The following SYN2 variants were observed in gnomAD, a reference collection of about 807,000 sequenced individuals.
SYN2 encodes synapsin-2.
Under a neutral mutation model 50.9 loss-of-function variants are expected in SYN2, and 19 were observed. The ratio of observed to expected loss-of-function variants is 0.37; its 90% CI spans 0.26 to 0.55. The LOEUF (loss-of-function observed/expected upper bound fraction) is 0.55, where lower values mean the gene tolerates loss of function less well. Ranked by LOEUF, SYN2 falls within the 20% of genes least tolerant of loss-of-function variation. The pLI, the probability that SYN2 is intolerant of heterozygous loss-of-function variation, is 0.81. For missense variants in SYN2, 587 were observed against 576.4 expected (o/e 1.02, Z -0.19); for synonymous variants, 255 against 224.9 (o/e 1.13, Z -1.20).
Position 12,190,534 on chromosome 3 carries a change from C to T in SYN2, c.1658C>T (p.Ser553Phe), listed in dbSNP as rs1385609638. Residue 553 changes from serine (S) to phenylalanine (F), a missense_variant, in exon 13 of 13, where the codon TCC (serine) becomes TTC (phenylalanine). Physicochemically the swap from Ser to Phe is radical, Grantham distance 155. Transcript: ENST00000621198. ...AATGCCTTCAGCTTCTCTGAGTCCT[C>T]CTTCTTCCGGTCTTCAGCCAATGAG... The part of the protein sequence containing the change: ...LTNAFSFSES[S>F]FFRSSANEDE... 1.9e-6 allele frequency: 3 copies of T among 1,613,752 alleles called. No individual in the cohort carries two copies. Among genetic ancestry groups the T allele is most frequent in the African/African-American group, 2.7e-5 (2 of 74,934 alleles).
At chr3:12,071,453 C>G in intron 1 of SYN2, 1 of 489,546 alleles carries the variant, frequency 2.0e-6, no homozygotes, top group East Asian at 5.6e-5. Flanking sequence ...TTCATGCTAG[C>G]CTCATGAAAC....
chr3:12,085,673 A>C lies in SYN2; in HGVS notation c.378-54978A>C, dbSNP rs150617175. On this transcript the variant is annotated intron_variant, in intron 1 of 12. Transcript: ENST00000621198. ...AGAACAACCAATGGATCAAAGAAGA[A>C]ATTAAAAGGGAAAATAAAAAATATT... 6.6e-5 allele frequency among the ~76,000 whole-genome samples: 10 copies of C among 152,328 alleles called. No individual in the cohort carries two copies. The East Asian group carries it at 1.9e-3, about 29-fold the overall frequency.
chr3:12,113,660 A>T (rs891887898), intron 1 of SYN2, among the ~76,000 whole-genome samples: 1 of 152,074 alleles, frequency 6.6e-6, no homozygotes, highest in South Asian at 2.1e-4. Flanking sequence ...TGTTTTATGG[A>T]TTAACTTATT....
intron 1 of SYN2, among the ~76,000 whole-genome samples, chr3:12,085,708 G>A (rs1196240769): frequency 6.6e-6 from 1 of 151,998 alleles, no homozygotes; most frequent in African/African-American, 2.4e-5. Context: ...TTTAAGACAA[G>A]CAAAAATGGA....
chr3:12,126,982 G>A (rs933174905), intron 1 of SYN2, among the ~76,000 whole-genome samples: 1 of 152,108 alleles, frequency 6.6e-6, no homozygotes, highest in Non-Finnish European at 1.5e-5. Flanking sequence ...TCATATAGGT[G>A]AACAAATAAT....
At chr3:12,042,915 C>T (rs1041186847) in intron 1 of SYN2, among the ~76,000 whole-genome samples, 2 of 152,268 alleles carry the variant, frequency 1.3e-5, no homozygotes, top group Non-Finnish European at 2.9e-5. Context: ...ATGGGCCCTA[C>T]AGCCTTCGGA....
chr3:12,187,768 T>TTG (rs35996249), intron 12 of SYN2, among the ~76,000 whole-genome samples, 156 bp downstream of exon 12: 5,874 of 149,974 alleles, frequency 0.039, 177 homozygotes, highest in East Asian at 0.19. Context: ...TTTTTGGTTT[T>TTG]TGTGTGTGTG....
chr3:12,187,550 G>C lies in SYN2; in HGVS notation c.1551G>C (p.Leu517=). ...ATGCACCCTCCAGCAGCAGCTCCCT[G>C]GCAGAGGCCCAGCCACCCCTGGCTG... ...HGDAPSSSSS[L]AEAQPPLAAP... The change falls in exon 12 of 13, where the codon CTG becomes CTC. Residue 517 remains leucine, a synonymous_variant. Coordinates refer to ENST00000621198, the MANE Select transcript of SYN2 (RefSeq NM_133625.6). 6.4e-7 allele frequency: 1 copy of C among 1,552,136 alleles called. No homozygotes were observed. The highest frequency in any genetic ancestry group is 1.2e-5 in the South Asian group (1 of 84,056).
intron 1 of SYN2, among the ~76,000 whole-genome samples, chr3:12,107,067 T>G (rs1454088075): frequency 6.6e-6 from 1 of 152,082 alleles, no homozygotes; most frequent in Admixed American, 6.6e-5. Context: ...GGATTAATCT[T>G]TTACATTCCA....
chr3:12,147,617 G>A (rs993153662), intron 4 of SYN2, among the ~76,000 whole-genome samples: 6 of 152,080 alleles, frequency 3.9e-5, no homozygotes, highest in African/African-American at 9.7e-5. Flanking sequence ...GTGCACCCCC[G>A]GTACTTGTCA....
intron 1 of SYN2, among the ~76,000 whole-genome samples, chr3:12,008,707 TAGC>T (rs1693852475): frequency 6.6e-6 from 1 of 152,220 alleles, no homozygotes. Flanking sequence ...ACTCTTTACA[TAGC>T]AGTGTAATAC....
intron 1 of SYN2, among the ~76,000 whole-genome samples, chr3:12,110,208 T>A (rs1223346797): frequency 6.6e-6 from 1 of 152,132 alleles, no homozygotes; most frequent in Non-Finnish European, 1.5e-5. Flanking sequence ...ATGGTAATAA[T>A]TGTAATACTT....
chr3:12,067,582 A>G (rs2125166215), intron 1 of SYN2, among the ~76,000 whole-genome samples: 1 of 151,430 alleles, frequency 6.6e-6, no homozygotes, highest in South Asian at 2.1e-4. Flanking sequence ...TTTCATCTGC[A>G]TATTACAAGC....
chr3:12,083,463 G>A (rs564664929), intron 1 of SYN2, among the ~76,000 whole-genome samples: 1 of 152,342 alleles, frequency 6.6e-6, no homozygotes, highest in South Asian at 2.1e-4. Context: ...TGGAACTGCA[G>A]TGGTGAGGAA....
intron 1 of SYN2, among the ~76,000 whole-genome samples, chr3:12,077,285 A>C (rs1695486958): frequency 6.6e-6 from 1 of 152,088 alleles, no homozygotes; most frequent in Non-Finnish European, 1.5e-5. Flanking sequence ...CAAACCTTGC[A>C]TAGAATTTTT....
At chr3:12,136,063 A>G (rs1246109246) in intron 1 of SYN2, among the ~76,000 whole-genome samples, 1 of 152,208 alleles carries the variant, frequency 6.6e-6, no homozygotes, top group East Asian at 1.9e-4. Flanking sequence ...TGATTATTAG[A>G]CAACCGACTT....
chr3:12,072,752 T>G (rs1293048672), intron 1 of SYN2, among the ~76,000 whole-genome samples: 2 of 152,198 alleles, frequency 1.3e-5, no homozygotes, highest in African/African-American at 2.4e-5. Flanking sequence ...CCATTATCTT[T>G]GTGAAGATAT....
chr3:12,097,945 G>A (rs969952048), intron 1 of SYN2, among the ~76,000 whole-genome samples: 7 of 151,994 alleles, frequency 4.6e-5, no homozygotes, highest in African/African-American at 1.7e-4. Flanking sequence ...CATGGCACAT[G>A]TATACATATG....
chr3:12,165,706 TCTGC>T (rs879665350), intron 7 of SYN2: 10 of 152,296 alleles, frequency 6.6e-5, no homozygotes, highest in Non-Finnish European at 1.0e-4. Context: ...TGAGTGACTC[TCTGC>T]CCCTGCCTTG....
Sources: gnomAD v4.1 joint callset for allele counts (sites outside exome capture counted in the v4.1 genomes callset) on GRCh38, gnomAD v4.1.1 for gene constraint, MANE v1.5 for transcripts, NCBI Gene and HGNC (gene_info 2026-07-23, HGNC 2026-07-21) for gene names.